Variants in BAALC observed in about 807,000 individuals in gnomAD.
The protein encoded by BAALC is brain and acute leukemia cytoplasmic protein.
Under a neutral mutation model 15.5 loss-of-function variants are expected in BAALC, and 9 were observed. That is an observed-to-expected ratio of 0.58 (90% CI 0.35 to 1.02). The LOEUF (loss-of-function observed/expected upper bound fraction) is 1.02, where lower values mean the gene tolerates loss of function less well. Ranked by LOEUF, BAALC falls within the 50% of genes least tolerant of loss-of-function variation. The pLI is 0.02. For missense variants in BAALC, 201 were observed against 192.4 expected (o/e 1.04, Z -0.27); for synonymous variants, 80 against 74.6 (o/e 1.07, Z -0.37).
intron 1 of BAALC, among the ~76,000 whole-genome samples, chr8:103,189,437 T>C (rs1348593208): frequency 3.9e-5 from 6 of 152,252 alleles, no homozygotes; most frequent in Admixed American, 6.5e-5. Flanking sequence ...ATCTTTCTTC[T>C]TTCAGGATTA....
intron 1 of BAALC, among the ~76,000 whole-genome samples, chr8:103,212,210 T>G (rs1301044930): frequency 6.6e-6 from 1 of 152,118 alleles, no homozygotes; most frequent in African/African-American, 2.4e-5. Flanking sequence ...TTTAGAAGAC[T>G]TAGGTGGGAG....
chr8:103,162,304 A>G (rs1299793657), intron 1 of BAALC, among the ~76,000 whole-genome samples: 1 of 152,194 alleles, frequency 6.6e-6, no homozygotes. Flanking sequence ...GTAAATCTTC[A>G]TCCTTTGAAG....
At position 103,228,063 on chromosome 8, in the gene BAALC, C is replaced by G; in HGVS notation, c.402C>G (p.Asp134Glu). The G allele has an allele frequency of 6.2e-7, 1 of 1,613,464 alleles. No individual in the cohort carries two copies. Among genetic ancestry groups the G allele is most frequent in the South Asian group, 1.1e-5 (1 of 91,036 alleles). ...TAACAGATAGCATCCAACAGATGGA[C>G]AGAAGTCGAAGAATCACAAAGAACT... ...INVTDSIQQMDRSRRITKNCV... is the reference protein window; with the variant it reads ...INVTDSIQQMERSRRITKNCV... The change falls in exon 3 of 3, where the codon GAC (aspartate) becomes GAG (glutamate). Residue 134 changes from aspartate to glutamate, a missense_variant. Coordinates refer to ENST00000309982, the MANE Select transcript of BAALC (RefSeq NM_024812.3).
At chr8:103,199,770 AGT>A (rs1812173453) in intron 1 of BAALC, among the ~76,000 whole-genome samples, 1 of 137,990 alleles carries the variant, frequency 7.2e-6, no homozygotes, top group African/African-American at 2.8e-5. Flanking sequence ...TATTAAGTCT[AGT>A]ACCCATTAGT....
Position 103,140,745 on chromosome 8 carries a change from C to A in BAALC, c.-153C>A. ...GGCCCGGACTAGGGGCGGCGGGCAC[C>A]GCAGGAGCTCCGCGCGGCTGCAGCG... On this transcript the variant is annotated 5_prime_UTR_variant, in exon 1 of 3. Coordinates refer to ENST00000309982, the MANE Select transcript of BAALC (RefSeq NM_024812.3). The surrounding 1 kb of genome is among the most constrained non-coding windows in gnomAD (Gnocchi z 4.2). The A allele has an allele frequency of 1.9e-6, 1 of 539,436 alleles. No homozygotes were observed. 33.4% of individuals were successfully genotyped at this position (539,436 alleles called of 1,614,324 possible). A position where few individuals can be genotyped will look rare whatever the true frequency, so the allele number is the denominator to read the frequency against.
At chr8:103,142,384 G>A (rs1563631575) in intron 1 of BAALC, among the ~76,000 whole-genome samples, 1 of 152,166 alleles carries the variant, frequency 6.6e-6, no homozygotes, top group African/African-American at 2.4e-5. Flanking sequence ...ACTCACAGTG[G>A]CAATCAGAAT....
chr8:103,221,476 T>C (rs1812677023), intron 2 of BAALC, among the ~76,000 whole-genome samples: 2 of 151,298 alleles, frequency 1.3e-5, no homozygotes, highest in Admixed American at 1.3e-4. Flanking sequence ...TTTTTTTTTT[T>C]AAGCCAGTAA....
At chr8:103,161,800 A>G (rs1811230969) in intron 1 of BAALC, among the ~76,000 whole-genome samples, 1 of 152,156 alleles carries the variant, frequency 6.6e-6, no homozygotes, top group Non-Finnish European at 1.5e-5. Flanking sequence ...TATCAAACTT[A>G]GGGATTTTTA....
At position 103,181,256 on chromosome 8, in the gene BAALC, G is replaced by A. The variant is rs76223705; in HGVS notation, c.161-31663G>A. Among the ~76,000 whole-genome samples, 1,237 of 152,114 alleles carry A rather than the reference G, an allele frequency of 8.1e-3. 25 individuals are homozygous for A. The highest frequency in any genetic ancestry group is 0.028 in the African/African-American group (1,178 of 41,510). ...CCTAGGTGAGTCAGGCTGTGAGCAGGGTGTTGTAGGAATATCTTTTTTGTT... is the reference window on the plus strand; with the variant it reads ...CCTAGGTGAGTCAGGCTGTGAGCAGAGTGTTGTAGGAATATCTTTTTTGTT... On this transcript the variant is annotated intron_variant, in intron 1 of 2. Transcript: ENST00000309982.
At position 103,227,993 on chromosome 8, in the gene BAALC, A is replaced by T. The variant is rs1246992222; in HGVS notation, c.332A>T (p.Lys111Ile). Reference protein sequence around the residue: ...KQNGLQTTEAKRDAKRMPAKE... With the variant: ...KQNGLQTTEAIRDAKRMPAKE... The stretch of plus-strand genomic sequence containing the variant: ...TCACTGTTTTCAACTTAACAGGCTA[A>T]AAGAGATGCTAAGAGAATGCCTGCA... The change falls in exon 3 of 3, where the codon AAA becomes ATA. Residue 111 changes from lysine (K) to isoleucine (I), a missense_variant. Transcript: ENST00000309982. The T allele has an allele frequency of 6.2e-7, 1 of 1,610,146 alleles. No individual in the cohort carries two copies. Among genetic ancestry groups the T allele is most frequent in the Non-Finnish European group, 8.5e-7 (1 of 1,176,766 alleles).
chr8:103,223,508 T>C (rs1372745237), intron 2 of BAALC, among the ~76,000 whole-genome samples: 3 of 152,192 alleles, frequency 2.0e-5, no homozygotes, highest in Non-Finnish European at 2.9e-5. Context: ...AGCTAACTGG[T>C]AGCAAAGGCT....
chr8:103,220,870 C>T (rs954401249), intron 2 of BAALC, among the ~76,000 whole-genome samples: 1 of 152,122 alleles, frequency 6.6e-6, no homozygotes, highest in African/African-American at 2.4e-5. Context: ...TGGTGTCTCA[C>T]ACATCATAAT....
chr8:103,184,831 G>A (rs960534524), intron 1 of BAALC, among the ~76,000 whole-genome samples: 10 of 152,364 alleles, frequency 6.6e-5, no homozygotes, highest in Middle Eastern at 3.4e-3. Flanking sequence ...CGACCAGGAT[G>A]CAGGCTCAAG....
At position 103,165,966 on chromosome 8, in the gene BAALC, C is replaced by A. The variant is rs576518020; in HGVS notation, c.160+24909C>A. On this transcript the variant is annotated intron_variant, in intron 1 of 2. Transcript: ENST00000309982. ...TCATTTATTACAGCTGTGACTGTCT[C>A]TTCCCGTGTGACTGGGGCTCCTCCC... The A allele has an allele frequency of 9.2e-5, 14 of 152,382 alleles. No homozygotes were observed. The East Asian group carries it at 2.7e-3, about 29-fold the overall frequency. The allele number at this position is 152,382 out of a possible 1,614,324, so 9.4% of individuals were successfully genotyped here.
At chr8:103,209,722 AC>A (rs1812408017) in intron 1 of BAALC, among the ~76,000 whole-genome samples, 1 of 152,094 alleles carries the variant, frequency 6.6e-6, no homozygotes, top group Admixed American at 6.6e-5. Context: ...CTTGTGACTC[AC>A]CCCATGAGTT....
intron 1 of BAALC, among the ~76,000 whole-genome samples, chr8:103,211,933 T>C (rs1812455104): frequency 6.6e-6 from 1 of 152,200 alleles, no homozygotes; most frequent in Admixed American, 6.5e-5. Flanking sequence ...TGGCAGAAAC[T>C]CTGTCAGCTT....
intron 1 of BAALC, among the ~76,000 whole-genome samples, chr8:103,192,241 A>C (rs1346172726): frequency 2.6e-5 from 4 of 152,144 alleles, no homozygotes; most frequent in African/African-American, 4.8e-5. Flanking sequence ...TAGTAGAGAC[A>C]GGGTTTCATC....
intron 1 of BAALC, chr8:103,183,288 G>T: frequency 2.9e-6 from 2 of 696,882 alleles, no homozygotes; most frequent in Non-Finnish European, 5.3e-6. Flanking sequence ...GGGAAGTGGA[G>T]AAAAACATGG....
intron 1 of BAALC, among the ~76,000 whole-genome samples, chr8:103,198,694 A>G (rs1165337120): frequency 6.6e-6 from 1 of 152,136 alleles, no homozygotes; most frequent in Non-Finnish European, 1.5e-5. Flanking sequence ...ACCTGAGGTC[A>G]GGAGTTTCAG....
Sources: gnomAD v4.1 joint callset for allele counts (sites outside exome capture counted in the v4.1 genomes callset) on GRCh38, gnomAD v4.1.1 for gene constraint, Gnocchi (gnomAD v3.1) non-coding constraint, MANE v1.5 for transcripts, NCBI Gene and HGNC (gene_info 2026-07-23, HGNC 2026-07-21) for gene names.